Variants in RIPOR3 observed in about 807,000 individuals in gnomAD.
The protein encoded by RIPOR3 is RIPOR family member 3, also known as family with sequence similarity 65 member C.
A neutral mutation model predicts 114.3 loss-of-function variants in RIPOR3; 95 were observed. That is an observed-to-expected ratio of 0.83 (90% CI 0.70 to 0.99). The LOEUF (loss-of-function observed/expected upper bound fraction) is 0.99. RIPOR3 is among the 50% of genes least tolerant of loss of function. The probability of loss-of-function intolerance (pLI) is 0.00; values close to 1 mark genes in which losing one functional copy is unlikely to be tolerated. For missense variants in RIPOR3, 1,252 were observed against 1,266.9 expected (o/e 0.99, Z 0.18); for synonymous variants, 575 against 543.8 (o/e 1.06, Z -0.80).
chr20:50,595,796 G>C (rs868022462), intron 15 of RIPOR3, among the ~76,000 whole-genome samples: 1 of 152,196 alleles, frequency 6.6e-6, no homozygotes, highest in African/African-American at 2.4e-5. Context: ...ATTTGAACCC[G>C]TGCATCCAGC....
At chr20:50,620,427 G>C (rs879263901) in intron 2 of RIPOR3, among the ~76,000 whole-genome samples, 1 of 152,174 alleles carries the variant, frequency 6.6e-6, no homozygotes, top group Non-Finnish European at 1.5e-5. Flanking sequence ...AGGGGTTCAA[G>C]ACCAGTCTGG....
chr20:50,648,085 C>T (rs143106886), intron 1 of RIPOR3, among the ~76,000 whole-genome samples: 2,735 of 151,640 alleles, frequency 0.018, 92 homozygotes, highest in African/African-American at 0.063. Flanking sequence ...AGACCAGCCT[C>T]ACCAACATGG....
intron 11 of RIPOR3, among the ~76,000 whole-genome samples, chr20:50,606,251 G>A (rs1301398811): frequency 6.6e-6 from 1 of 152,218 alleles, no homozygotes; most frequent in Non-Finnish European, 1.5e-5. Flanking sequence ...CGCCCTGAGG[G>A]CCCTTAGCCA....
chr20:50,673,740 C>T (rs542627694), intron 1 of RIPOR3, among the ~76,000 whole-genome samples: 1 of 152,332 alleles, frequency 6.6e-6, no homozygotes, highest in Non-Finnish European at 1.5e-5. Context: ...CACCACGCCT[C>T]CATGCTCTCC....
At chr20:50,611,409 G>A (rs564160189) in intron 4 of RIPOR3, among the ~76,000 whole-genome samples, 1 of 152,326 alleles carries the variant, frequency 6.6e-6, no homozygotes, top group South Asian at 2.1e-4. Context: ...ACATGCACGT[G>A]GGATGAGGCA....
chr20:50,643,964 C>T (rs2085298242), intron 1 of RIPOR3, among the ~76,000 whole-genome samples: 1 of 151,908 alleles, frequency 6.6e-6, no homozygotes. Flanking sequence ...CCGCCCACCT[C>T]AGCCTCCCAA....
chr20:50,615,869 G>A (rs2123120799), intron 4 of RIPOR3, 133 bp downstream of exon 4: 2 of 798,154 alleles, frequency 2.5e-6, no homozygotes, highest in Non-Finnish European at 2.0e-6. Context: ...AGTGCAACGT[G>A]AAGAGGCTAT....
At chr20:50,666,532 C>T (rs1173814244) in intron 1 of RIPOR3, among the ~76,000 whole-genome samples, 1 of 150,644 alleles carries the variant, frequency 6.6e-6, no homozygotes, top group African/African-American at 2.4e-5. Context: ...CCTAGGACAC[C>T]CATTTCTTTG....
At chr20:50,613,568 G>A (rs1297293498) in intron 4 of RIPOR3, among the ~76,000 whole-genome samples, 1 of 152,186 alleles carries the variant, frequency 6.6e-6, no homozygotes, top group Non-Finnish European at 1.5e-5. Context: ...TTGTTTCAAT[G>A]AGAACCAGCA....
chr20:50,634,552 T>C, intron 1 of RIPOR3, among the ~76,000 whole-genome samples: 1 of 152,120 alleles, frequency 6.6e-6, no homozygotes, highest in South Asian at 2.1e-4. Context: ...ACCAGGTGCA[T>C]GGAAGATTCA....
chr20:50,673,162 C>A (rs552845840), intron 1 of RIPOR3, among the ~76,000 whole-genome samples: 1 of 152,144 alleles, frequency 6.6e-6, no homozygotes, highest in Non-Finnish European at 1.5e-5. Context: ...CTTCTGTCTG[C>A]GTCCCAGCCT....
chr20:50,638,903 C>T (rs2085095732), intron 1 of RIPOR3, among the ~76,000 whole-genome samples: 1 of 152,138 alleles, frequency 6.6e-6, no homozygotes, highest in Non-Finnish European at 1.5e-5. Context: ...GTGAGGTGAC[C>T]TGGTGGTGGC....
At position 50,602,005 on chromosome 20, in the gene RIPOR3, G is replaced by A. The variant is rs1312609598; in HGVS notation, c.1659+67C>T. On this transcript the variant is annotated intron_variant, in intron 13 of 21. Coordinates refer to ENST00000327979, the MANE Select transcript of RIPOR3 (RefSeq NM_001290268.2). This position sits in a 1 kb window ranked among gnomAD's most constrained non-coding sequence, Gnocchi z 4.3. ...TCGGCCCAGGCTGCGTGGCCCCAGA[G>A]CCCCCGACTCCCAGTCATCATGCCA... The A allele has an allele frequency of 7.1e-7, 1 of 1,402,358 alleles. No homozygotes were observed. Among genetic ancestry groups the A allele is most frequent in the African/African-American group, 1.5e-5 (1 of 68,908 alleles). The allele number at this position is 1,402,358 out of a possible 1,614,324, so 86.9% of individuals were successfully genotyped here.
intron 1 of RIPOR3, among the ~76,000 whole-genome samples, chr20:50,672,596 C>A (rs937622200): frequency 8.5e-5 from 13 of 152,194 alleles, no homozygotes; most frequent in Non-Finnish European, 1.8e-4. Context: ...GGCCTGAGTC[C>A]CACAGCCTGA....
Position 50,679,664 on chromosome 20 carries a change from G to A in RIPOR3, c.3+11462C>T, listed in dbSNP as rs1426356978. The stretch of plus-strand genomic sequence containing the variant: ...CTCACCTGTAGTCCTAGCTACTCGG[G>A]AGGCTGAGGCAGGAGAATCACTTGA... On this transcript the variant is annotated intron_variant, in intron 1 of 21. Coordinates refer to ENST00000327979, the MANE Select transcript of RIPOR3 (RefSeq NM_001290268.2). Among the ~76,000 whole-genome samples the A allele has an allele frequency of 2.0e-5, 3 of 151,510 alleles. No individual in the cohort carries two copies. In the East Asian group the frequency reaches 5.8e-4, roughly 29 times the overall value.
chr20:50,630,529 A>T (rs1261329210), intron 2 of RIPOR3, among the ~76,000 whole-genome samples: 2 of 151,772 alleles, frequency 1.3e-5, no homozygotes, highest in African/African-American at 4.9e-5. Context: ...GGTTTATCCC[A>T]ACACTAAGAA....
chr20:50,658,302 T>G (rs1444712845), intron 1 of RIPOR3, among the ~76,000 whole-genome samples: 1 of 152,210 alleles, frequency 6.6e-6, no homozygotes, highest in African/African-American at 2.4e-5. Flanking sequence ...TACGACAACA[T>G]GGATGAACCA....
intron 1 of RIPOR3, among the ~76,000 whole-genome samples, chr20:50,658,139 G>T (rs984367692): frequency 6.6e-6 from 1 of 152,090 alleles, no homozygotes; most frequent in Non-Finnish European, 1.5e-5. Flanking sequence ...ACAAATATTT[G>T]TACATCTATA....
In RIPOR3 at chr20:50,596,282, T is replaced by G. The variant is rs888325507; in HGVS notation, c.1791-19A>C. 4 of 1,613,940 alleles carry G rather than the reference T, an allele frequency of 2.5e-6. No individual in the cohort carries two copies. The highest frequency in any genetic ancestry group is 3.4e-6 in the Non-Finnish European group (4 of 1,179,964). ...GTCCTTTCTGAGTTGAATTGAGAACTGGGTGACCATTCCAGTTAGCAGTTC... is the reference window on the plus strand; with the variant it reads ...GTCCTTTCTGAGTTGAATTGAGAACGGGGTGACCATTCCAGTTAGCAGTTC... On this transcript the variant is annotated intron_variant, in intron 14 of 21. Coordinates refer to ENST00000327979, the MANE Select transcript of RIPOR3 (RefSeq NM_001290268.2).
Sources: gnomAD v4.1 joint callset for allele counts (sites outside exome capture counted in the v4.1 genomes callset) on GRCh38, gnomAD v4.1.1 for gene constraint, Gnocchi (gnomAD v3.1) non-coding constraint, MANE v1.5 for transcripts, NCBI Gene and HGNC (gene_info 2026-07-23, HGNC 2026-07-21) for gene names.